Variants in UQCRH observed in about 807,000 individuals in gnomAD.
UQCRH encodes the protein ubiquinol-cytochrome c reductase hinge protein, also known as cytochrome b-c1 complex subunit 6, mitochondrial.
In UQCRH, 14 loss-of-function variants were observed where a neutral mutation model predicts 16.3. The ratio of observed to expected loss-of-function variants is 0.86; its 90% CI spans 0.57 to 1.34. The LOEUF (loss-of-function observed/expected upper bound fraction) is 1.34. UQCRH is among the 40% of genes most tolerant of loss of function. UQCRH has a pLI of 0.00. For synonymous variants in UQCRH, 41 were observed against 41.9 expected, an observed-to-expected ratio of 0.98 and a Z score of 0.08; for missense variants, 89 against 111.9, an observed-to-expected ratio of 0.80 and a Z score of 0.92.
rs141230565 is a variant in UQCRH, at chr1:46,312,156, C to T, written c.243+1840C>T. 1.3e-3 allele frequency among the ~76,000 whole-genome samples: 202 copies of T among 151,726 alleles called. 3 individuals carry two copies. The South Asian group carries it at 0.016, about 12-fold the overall frequency. On this transcript the variant is annotated intron_variant, in intron 3 of 3. Coordinates refer to ENST00000311672, the MANE Select transcript of UQCRH (RefSeq NM_006004.4). ...TGTCACCCAGGCTGGAGTGCAGTGG[C>T]GCAATCTTGGCTCACTGCAACCTCC...
intron 1 of UQCRH, among the ~76,000 whole-genome samples, chr1:46,307,254 G>A (rs1205176181): frequency 1.3e-5 from 2 of 152,006 alleles, no homozygotes; most frequent in Admixed American, 6.6e-5. Flanking sequence ...CATGGTGGCC[G>A]GGCTGATTGA....
Position 46,310,273 on chromosome 1 carries a change from G to C in UQCRH, c.200G>C (p.Cys67Ser). ...VSSRSHTEED[C>S]TEELFDFLHA... ...TCTCGATCACATACAGAAGAGGATT[G>C]CACGGAGGAGCTCTTTGACTTCTTG... The change falls in exon 3 of 4, where the codon TGC becomes TCC. Residue 67 changes from cysteine (C) to serine (S), a missense_variant. Transcript: ENST00000311672. 2 of 1,614,168 alleles carry C rather than the reference G, an allele frequency of 1.2e-6. No individual in the cohort carries two copies.
intron 1 of UQCRH, among the ~76,000 whole-genome samples, chr1:46,305,767 TAAA>T (rs1661362359): frequency 1.1e-5 from 1 of 87,828 alleles, no homozygotes; most frequent in Admixed American, 1.1e-4. Flanking sequence ...AATAAATAAA[TAAA>T]TAAAATAAAA....
chr1:46,315,292 A>G (rs1006108317), intron 3 of UQCRH, among the ~76,000 whole-genome samples: 15 of 152,182 alleles, frequency 9.9e-5, no homozygotes, highest in Non-Finnish European at 1.8e-4. Flanking sequence ...TAAAAATACA[A>G]AATTAGCCGG....
intron 2 of UQCRH, chr1:46,309,929 C>T: frequency 7.0e-7 from 1 of 1,433,734 alleles, no homozygotes; most frequent in Non-Finnish European, 9.1e-7. Flanking sequence ...ATACTGGCAA[C>T]CTTGGAAGGC....
At chr1:46,305,172 C>T (rs1402979369) in intron 1 of UQCRH, among the ~76,000 whole-genome samples, 1 of 151,540 alleles carries the variant, frequency 6.6e-6, no homozygotes, top group African/African-American at 2.4e-5. Flanking sequence ...AAAAATTAGC[C>T]GGGCATGGTG....
chr1:46,309,041 G>A, intron 1 of UQCRH, 60 bp from the exon 2 acceptor site: 1 of 1,559,970 alleles, frequency 6.4e-7, no homozygotes, highest in Non-Finnish European at 8.8e-7. Flanking sequence ...ACATCAGTAT[G>A]ATCAGGAATA....
At position 46,314,359 on chromosome 1, in the gene UQCRH, C is replaced by T. The variant is rs577180398; in HGVS notation, c.244-2193C>T. ...TCAGCCTGGGTACAGAGCAAGACTCCGTCTCAAAAAAAAAAAAAAAAAGAG... is the reference window on the plus strand; with the variant it reads ...TCAGCCTGGGTACAGAGCAAGACTCTGTCTCAAAAAAAAAAAAAAAAAGAG... On this transcript the variant is annotated intron_variant, in intron 3 of 3. Coordinates refer to ENST00000311672, the MANE Select transcript of UQCRH (RefSeq NM_006004.4). Among the ~76,000 whole-genome samples the T allele has an allele frequency of 3.6e-4, 49 of 136,188 alleles. No individual in the cohort carries two copies. The South Asian group carries it at 0.011, about 31-fold the overall frequency. 89.3% of individuals were successfully genotyped at this position (136,188 alleles called of 152,430 possible).
chr1:46,304,844 GTTCTAGAACCAGGACTC>G (rs981486822), intron 1 of UQCRH, among the ~76,000 whole-genome samples: 16 of 152,312 alleles, frequency 1.1e-4, no homozygotes, highest in African/African-American at 3.9e-4. Context: ...AAGCAGCGCG[GTTCTAGAACCAGGACTC>G]TTATCAATTT....
At chr1:46,310,014 A>C in intron 2 of UQCRH, 141 bp from the exon 3 acceptor site, 1 of 1,508,984 alleles carries the variant, frequency 6.6e-7, no homozygotes, top group Non-Finnish European at 8.9e-7. Flanking sequence ...TTCTGGCGGC[A>C]GTGTGGCTCT....
chr1:46,311,129 A>G (rs1168307523), intron 3 of UQCRH, among the ~76,000 whole-genome samples: 2 of 152,030 alleles, frequency 1.3e-5, no homozygotes, highest in East Asian at 3.9e-4. Context: ...TACTACTTCC[A>G]CTGGAGATAG....
rs1491163069 is a variant in UQCRH, at chr1:46,304,386, AAT to A, written c.54+567_54+568del. ...TCCAAGTGCTTTATATGCACTAATT[AAT>A]TTTTTTTTTTTTTTTGAGATGGAAT... is the stretch of plus-strand genomic sequence containing the variant. On this transcript the variant is annotated intron_variant, in intron 1 of 3. Coordinates refer to ENST00000311672, the MANE Select transcript of UQCRH (RefSeq NM_006004.4). Among the ~76,000 whole-genome samples the A allele has an allele frequency of 1.8e-4, 10 of 54,614 alleles. No individual in the cohort carries two copies. In the Admixed American group the frequency reaches 2.5e-3, roughly 14 times the overall value. The allele number at this position is 54,614 out of a possible 152,430, so 35.8% of individuals were successfully genotyped here.
intron 3 of UQCRH, among the ~76,000 whole-genome samples, chr1:46,314,500 G>A (rs368359179): frequency 1.3e-4 from 20 of 151,730 alleles, no homozygotes; most frequent in African/African-American, 4.1e-4. Flanking sequence ...ATGAAACCCC[G>A]TCTCTACTAA....
rs80012204 is a variant in UQCRH at position 46,309,790 on chromosome 1, T to C, written c.82-365T>C. 30 of 1,100,714 alleles carry C rather than the reference T, an allele frequency of 2.7e-5. No homozygotes were observed. In the East Asian group the frequency reaches 1.2e-3, roughly 43 times the overall value. 68.2% of individuals were successfully genotyped at this position (1,100,714 alleles called of 1,614,324 possible). A position where few individuals can be genotyped will look rare whatever the true frequency, so the allele number is the denominator to read the frequency against. ...AGGCCTGGTTCTCAGACAAGGGGAT[T>C]TGAAGTTTCAGACGTGTCATATTCC... On this transcript the variant is annotated intron_variant, in intron 2 of 3. Transcript: ENST00000311672.
At chr1:46,315,023 G>C (rs1661555954) in intron 3 of UQCRH, among the ~76,000 whole-genome samples, 1 of 152,166 alleles carries the variant, frequency 6.6e-6, no homozygotes, top group Non-Finnish European at 1.5e-5. Context: ...TGATTAAAGT[G>C]GGGCCTTGTG....
At position 46,306,389 on chromosome 1, in the gene UQCRH, T is replaced by G. The variant is rs537952505; in HGVS notation, c.54+2569T>G. Among the ~76,000 whole-genome samples the G allele has an allele frequency of 5.0e-4, 75 of 150,252 alleles. 2 individuals carry two copies. The highest frequency in any genetic ancestry group is 1.4e-3 in the African/African-American group (56 of 40,964). The stretch of plus-strand genomic sequence containing the variant: ...TGGGAAAACTTTTTCAGTTTTTTTT[T>G]TTTTTTTTTTGTGACGGAGTCTCGC... On this transcript the variant is annotated intron_variant, in intron 1 of 3. Coordinates refer to ENST00000311672, the MANE Select transcript of UQCRH (RefSeq NM_006004.4).
chr1:46,305,726 G>C (rs1221810715), intron 1 of UQCRH, among the ~76,000 whole-genome samples: 1 of 147,090 alleles, frequency 6.8e-6, no homozygotes, highest in East Asian at 2.1e-4. Flanking sequence ...ACTCCAGCCT[G>C]GGCGACAGAG....
At chr1:46,313,220 T>G (rs1267979879) in intron 3 of UQCRH, among the ~76,000 whole-genome samples, 1 of 152,180 alleles carries the variant, frequency 6.6e-6, no homozygotes, top group Non-Finnish European at 1.5e-5. Flanking sequence ...GGCTGGGCAC[T>G]GTGGCTCATG....
At chr1:46,307,599 T>A (rs1304906973) in intron 1 of UQCRH, among the ~76,000 whole-genome samples, 1 of 152,162 alleles carries the variant, frequency 6.6e-6, no homozygotes, top group Non-Finnish European at 1.5e-5. Flanking sequence ...CCATGGGCAG[T>A]TTTTTACACT....
Sources: gnomAD v4.1 joint callset for allele counts (sites outside exome capture counted in the v4.1 genomes callset) on GRCh38, gnomAD v4.1.1 for gene constraint, MANE v1.5 for transcripts, NCBI Gene and HGNC (gene_info 2026-07-23, HGNC 2026-07-21) for gene names.